Variants in LPO observed in about 807,000 individuals in gnomAD.
LPO encodes the protein lactoperoxidase, also known as salivary peroxidase.
Under a neutral mutation model 68.4 loss-of-function variants are expected in LPO, and 70 were observed. The ratio of observed to expected loss-of-function variants is 1.02; its 90% CI spans 0.84 to 1.25. The LOEUF (loss-of-function observed/expected upper bound fraction) is 1.25, where lower values mean the gene tolerates loss of function less well. Among genes scored for constraint, LPO ranks in the 50% most tolerant of loss-of-function variants. LPO has a pLI of 0.00. For missense variants in LPO, 873 were observed against 908.4 expected (o/e 0.96, Z 0.50); for synonymous variants, 360 against 357.6 (o/e 1.01, Z -0.08).
rs1284062986 is a variant in LPO, at chr17:58,250,482, C to A, written c.641C>A (p.Ser214Tyr). 6.2e-7 allele frequency: 1 copy of A among 1,614,046 alleles called. No homozygotes were observed. Among genetic ancestry groups the A allele is most frequent in the Non-Finnish European group, 8.5e-7 (1 of 1,180,036 alleles). The change falls in exon 7 of 13, where the codon TCC becomes TAC. Residue 214 changes from serine (S) to tyrosine (Y), a missense_variant. By Grantham distance (144) the Ser-to-Tyr change is moderately radical. Coordinates refer to ENST00000262290, the MANE Select transcript of LPO (RefSeq NM_006151.3). ...NEEGVLDQNR[S>Y]LLFMQWGQIV... ...GAGGGTGTTCTGGACCAAAACAGGTCCCTGCTCTTCATGCAGTGGGGTCAG... is the reference window on the plus strand; with the variant it reads ...GAGGGTGTTCTGGACCAAAACAGGTACCTGCTCTTCATGCAGTGGGGTCAG...
intron 1 of LPO, among the ~76,000 whole-genome samples, chr17:58,242,146 G>C (rs149711667): frequency 6.6e-6 from 1 of 152,330 alleles, no homozygotes; most frequent in African/African-American, 2.4e-5. Flanking sequence ...GCTGGAGCCA[G>C]AATCTCCTCA....
In LPO at chr17:58,268,401, C is replaced by A. The variant is rs1598036907; in HGVS notation, c.*407C>A. On this transcript the variant is annotated 3_prime_UTR_variant, in exon 13 of 13. Transcript: ENST00000262290. ...GTGGCACCTAGCATGGTGCACAGCA[C>A]ATTAGAAGTGCTCAAAAACATCTGA... 1.5e-5 allele frequency: 3 copies of A among 200,574 alleles called. No individual in the cohort carries two copies. The East Asian group carries it at 4.1e-4, about 28-fold the overall frequency. 12.4% of individuals were successfully genotyped at this position (200,574 alleles called of 1,614,324 possible). A position where few individuals can be genotyped will look rare whatever the true frequency, so the allele number is the denominator to read the frequency against.
chr17:58,248,912 T>A (rs1969901431), intron 4 of LPO, 148 bp from the exon 5 acceptor site: 1 of 714,442 alleles, frequency 1.4e-6, no homozygotes, highest in Admixed American at 2.0e-5. Flanking sequence ...GCTGTCAGAT[T>A]AATTGAGAAA....
intron 9 of LPO, among the ~76,000 whole-genome samples, chr17:58,262,909 TC>T (rs1258697440): frequency 2.0e-5 from 3 of 152,240 alleles, no homozygotes; most frequent in Non-Finnish European, 4.4e-5. Flanking sequence ...TTTATTCAAA[TC>T]CTTTTTCAGT....
At chr17:58,246,400 G>A (rs1969852686) in intron 3 of LPO, among the ~76,000 whole-genome samples, 1 of 152,222 alleles carries the variant, frequency 6.6e-6, no homozygotes, top group African/African-American at 2.4e-5. Flanking sequence ...AGCAGTGGAA[G>A]TAAGAGCTGT....
At chr17:58,263,420 T>C (rs1970206930) in intron 9 of LPO, among the ~76,000 whole-genome samples, 1 of 152,210 alleles carries the variant, frequency 6.6e-6, no homozygotes, top group Non-Finnish European at 1.5e-5. Flanking sequence ...GTTGCTATAT[T>C]AGGAGACCCT....
At chr17:58,265,029 G>A in intron 10 of LPO, 55 bp downstream of exon 10, 1 of 1,595,780 alleles carries the variant, frequency 6.3e-7, no homozygotes, top group Non-Finnish European at 8.6e-7. Context: ...GCAGCCTATT[G>A]TAGGGAAACT....
At chr17:58,262,771 GT>G (rs1321237078) in intron 9 of LPO, among the ~76,000 whole-genome samples, 1 of 152,168 alleles carries the variant, frequency 6.6e-6, no homozygotes, top group Non-Finnish European at 1.5e-5. Context: ...TTTATGTTTA[GT>G]TTTCAGAAAT....
chr17:58,257,264 T>C (rs1237018531), intron 9 of LPO, among the ~76,000 whole-genome samples: 2 of 152,052 alleles, frequency 1.3e-5, no homozygotes, highest in Non-Finnish European at 2.9e-5. Flanking sequence ...CCACCAACCA[T>C]CTCCACCTCC....
chr17:58,267,338 C>G lies in LPO; in HGVS notation c.1694-11C>G. 1.2e-6 allele frequency: 2 copies of G among 1,610,806 alleles called. No individual in the cohort carries two copies. The highest frequency in any genetic ancestry group is 1.7e-6 in the Non-Finnish European group (2 of 1,177,190). ...CCCCGGGATGAGACAGCCTCAGTCTCTCCACCCTAGGGTACAATTCCTGGA... is the reference window on the plus strand; with the variant it reads ...CCCCGGGATGAGACAGCCTCAGTCTGTCCACCCTAGGGTACAATTCCTGGA... On this transcript the variant is annotated splice_polypyrimidine_tract_variant and intron_variant, in intron 11 of 12. Coordinates refer to ENST00000262290, the MANE Select transcript of LPO (RefSeq NM_006151.3).
rs533854129 is a variant in LPO, at chr17:58,253,374, C to T, written c.1105+868C>T. Among the ~76,000 whole-genome samples, 13 of 152,252 alleles carry T rather than the reference C, an allele frequency of 8.5e-5. No homozygotes were observed. The South Asian group carries it at 2.7e-3, about 32-fold the overall frequency. The stretch of plus-strand genomic sequence containing the variant: ...TTTCAAGTTTTCCTGTGTTTTGTTG[C>T]TGTTGTTTAGGTAATGAACATCTTC... On this transcript the variant is annotated intron_variant, in intron 8 of 12. Coordinates refer to ENST00000262290, the MANE Select transcript of LPO (RefSeq NM_006151.3).
chr17:58,265,223 G>A (rs1970241447), intron 10 of LPO, among the ~76,000 whole-genome samples: 1 of 152,216 alleles, frequency 6.6e-6, no homozygotes, highest in Admixed American at 6.5e-5. Flanking sequence ...ACACACAGGA[G>A]GTGATCAATA....
At chr17:58,261,480 C>CAACCT (rs1807469809) in intron 9 of LPO, among the ~76,000 whole-genome samples, 1 of 151,864 alleles carries the variant, frequency 6.6e-6, no homozygotes, top group African/African-American at 2.4e-5. Context: ...CCATCAATTT[C>CAACCT]AACCTACCTA....
At chr17:58,242,414 G>A (rs1056177157) in intron 1 of LPO, among the ~76,000 whole-genome samples, 2 of 152,178 alleles carry the variant, frequency 1.3e-5, no homozygotes, top group East Asian at 1.9e-4. Context: ...CCAGGTTTCC[G>A]AAGGGAGGCG....
At chr17:58,249,925 C>T (rs1266029502) in intron 6 of LPO, among the ~76,000 whole-genome samples, 2 of 152,206 alleles carry the variant, frequency 1.3e-5, no homozygotes, top group African/African-American at 4.8e-5. Flanking sequence ...CTGGGGTCTC[C>T]CGGGCAGATG....
intron 6 of LPO, 82 bp downstream of exon 6, chr17:58,249,777 G>A (rs961351177): frequency 1.4e-6 from 2 of 1,463,298 alleles, no homozygotes; most frequent in African/African-American, 1.4e-5. Context: ...GAAAGGAGGA[G>A]GAGGGATCGG....
chr17:58,256,982 G>T, intron 9 of LPO, among the ~76,000 whole-genome samples: 1 of 142,180 alleles, frequency 7.0e-6, no homozygotes, highest in East Asian at 2.1e-4. Flanking sequence ...CAAATAGTAG[G>T]TCTTACTCTT....
intron 9 of LPO, among the ~76,000 whole-genome samples, chr17:58,263,095 G>T (rs1271881818): frequency 6.6e-6 from 1 of 151,908 alleles, no homozygotes; most frequent in Non-Finnish European, 1.5e-5. Context: ...TCTATCCTCT[G>T]TCACTCCCAC....
At chr17:58,249,510 C>T (rs1387506645) in intron 5 of LPO, 56 bp from the exon 6 acceptor site, 2 of 1,581,752 alleles carry the variant, frequency 1.3e-6, no homozygotes, top group Non-Finnish European at 1.7e-6. Flanking sequence ...GGGTCCTGGG[C>T]TTTGGAGCCC....
Sources: allele counts gnomAD v4.1 joint callset (sites outside exome capture counted in the v4.1 genomes callset), GRCh38; gene constraint gnomAD v4.1.1; transcripts MANE v1.5; gene names NCBI Gene and HGNC (gene_info 2026-07-23, HGNC 2026-07-21).